QSOX1: variants seen among roughly 807,000 people sequenced by gnomAD.
QSOX1 encodes the protein quiescin sulfhydryl oxidase 1, also known as sulfhydryl oxidase 1.
A neutral mutation model predicts 76.1 loss-of-function variants in QSOX1; 40 were observed. The observed-to-expected ratio is 0.53, with a 90% CI of 0.41 to 0.68. The LOEUF is 0.68. QSOX1 is among the 30% of genes least tolerant of loss of function. The pLI, the probability that QSOX1 is intolerant of heterozygous loss-of-function variation, is 0.00. For synonymous variants in QSOX1, 392 were observed against 413.1 expected (o/e 0.95, Z 0.62); for missense variants, 931 against 974.3 (o/e 0.96, Z 0.59).
rs1188947516 is a variant in QSOX1, at chr1:180,197,103, T to G, written c.*66T>G. 6 of 1,503,802 alleles carry G rather than the reference T, an allele frequency of 4.0e-6. No homozygotes were observed. In the African/African-American group the frequency reaches 5.6e-5, roughly 14 times the overall value. The allele number at this position is 1,503,802 out of a possible 1,614,324, so 93.2% of individuals were successfully genotyped here. On this transcript the variant is annotated 3_prime_UTR_variant, in exon 12 of 12. Transcript: ENST00000367602. The stretch of plus-strand genomic sequence containing the variant: ...AGGCACCTCAAGCCCCCTGACCCCA[T>G]TCCCTCCCCTCCCACCCCTTGCTCC...
chr1:180,191,208 G>A (rs1663302857), intron 10 of QSOX1, among the ~76,000 whole-genome samples: 1 of 152,204 alleles, frequency 6.6e-6, no homozygotes, highest in Non-Finnish European at 1.5e-5. Context: ...TGGCTTGGAG[G>A]ATAGATACAT....
chr1:180,158,184 T>C (rs1415428433), intron 1 of QSOX1, among the ~76,000 whole-genome samples: 1 of 152,324 alleles, frequency 6.6e-6, no homozygotes, highest in African/African-American at 2.4e-5. Context: ...TCTTTTTGGC[T>C]TTCTGGAGCC....
At chr1:180,192,971 G>C (rs1451530823) in intron 10 of QSOX1, among the ~76,000 whole-genome samples, 1 of 152,042 alleles carries the variant, frequency 6.6e-6, no homozygotes, top group African/African-American at 2.4e-5. Flanking sequence ...CAAGATAGAG[G>C]TGTAGTCACT....
intron 2 of QSOX1, among the ~76,000 whole-genome samples, chr1:180,169,704 T>G (rs115276636): frequency 0.026 from 3,911 of 152,348 alleles, 156 homozygotes; most frequent in African/African-American, 0.088. Context: ...GCTGCTGGAC[T>G]GTGTGGCAGT....
At chr1:180,185,690 G>A (rs1663153587) in intron 7 of QSOX1, among the ~76,000 whole-genome samples, 1 of 152,316 alleles carries the variant, frequency 6.6e-6, no homozygotes, top group Middle Eastern at 3.4e-3. Context: ...TTGGCTCGGA[G>A]CTGGCCTGAT....
intron 2 of QSOX1, among the ~76,000 whole-genome samples, chr1:180,174,679 T>C (rs754474327): frequency 1.3e-5 from 2 of 152,066 alleles, no homozygotes; most frequent in African/African-American, 2.4e-5. Context: ...TCGATAAATA[T>C]TGGTTAGTAA....
chr1:180,188,788 T>C (rs569350586), intron 8 of QSOX1, among the ~76,000 whole-genome samples: 56 of 152,356 alleles, frequency 3.7e-4, no homozygotes, highest in Non-Finnish European at 7.1e-4. Flanking sequence ...TCGGCCAGCC[T>C]CTTTGTGGTT....
At chr1:180,159,344 G>A (rs1174960517) in intron 1 of QSOX1, among the ~76,000 whole-genome samples, 1 of 152,206 alleles carries the variant, frequency 6.6e-6, no homozygotes, top group African/African-American at 2.4e-5. Context: ...CTGTCACCCA[G>A]CTCTGCATTG....
In QSOX1 at chr1:180,198,387, G is replaced by T. The variant is rs1663558993; in HGVS notation, c.*1350G>T. The T allele has an allele frequency of 2.2e-6, 1 of 456,630 alleles. No individual in the cohort carries two copies. The highest frequency in any genetic ancestry group is 2.3e-5 in the Admixed American group (1 of 42,566). 28.3% of individuals were successfully genotyped at this position (456,630 alleles called of 1,614,324 possible). On this transcript the variant is annotated 3_prime_UTR_variant, in exon 12 of 12. Coordinates refer to ENST00000367602, the MANE Select transcript of QSOX1 (RefSeq NM_002826.5). ...AGAGCTGCAGGGTTGGCCACTCGGT[G>T]GGGAGGAGTCAGCCAGGATTAGAGA... is the stretch of plus-strand genomic sequence containing the variant.
At chr1:180,170,099 C>A (rs963554204) in intron 2 of QSOX1, among the ~76,000 whole-genome samples, 10 of 152,140 alleles carry the variant, frequency 6.6e-5, no homozygotes, top group South Asian at 2.1e-4. Context: ...TGAGGCAGAG[C>A]TGGGGGAGGA....
intron 3 of QSOX1, 95 bp downstream of exon 3, chr1:180,175,461 T>A: frequency 7.4e-7 from 1 of 1,359,278 alleles, no homozygotes; most frequent in Non-Finnish European, 1.1e-6. Context: ...GCCCTGGCAG[T>A]CGGCAGGGTC....
chr1:180,169,278 C>T (rs1220591735), intron 2 of QSOX1, among the ~76,000 whole-genome samples: 1 of 152,220 alleles, frequency 6.6e-6, no homozygotes, highest in Non-Finnish European at 1.5e-5. Flanking sequence ...CTCCGTGGGC[C>T]TCAGGAGTGC....
rs201050141 is a variant in QSOX1, at chr1:180,182,267, T to C, written c.700T>C (p.Phe234Leu). 2 of 1,614,222 alleles carry C rather than the reference T, an allele frequency of 1.2e-6. No homozygotes were observed. Among genetic ancestry groups the C allele is most frequent in the Non-Finnish European group, 8.5e-7 (1 of 1,180,034 alleles). Residue 234 changes from phenylalanine (F) to leucine (L), a missense_variant, in exon 6 of 12, where the codon TTC becomes CTC. Transcript: ENST00000367602. ...GGTGAGAAAGTTTGGTGTCACCGAC[T>C]TCCCCTCTTGCTACCTGCTGTTCCG... Reference protein sequence around the residue: ...NVVRKFGVTDFPSCYLLFRNG... With the variant: ...NVVRKFGVTDLPSCYLLFRNG...
intron 4 of QSOX1, 109 bp from the exon 5 acceptor site, chr1:180,178,685 G>A: frequency 5.3e-6 from 5 of 937,150 alleles, no homozygotes; most frequent in South Asian, 4.2e-5. Context: ...GCGGAGGAGG[G>A]CGGGATGGCC....
At chr1:180,182,144 T>G in intron 5 of QSOX1, 30 bp from the exon 6 acceptor site, 9 of 1,611,126 alleles carry the variant, frequency 5.6e-6, no homozygotes, top group Non-Finnish European at 7.6e-6. Context: ...CCCGGTGGCC[T>G]GGCCCCCAGA....
chr1:180,192,069 T>C (rs1009149344), intron 10 of QSOX1, among the ~76,000 whole-genome samples: 1 of 152,180 alleles, frequency 6.6e-6, no homozygotes, highest in African/African-American at 2.4e-5. Flanking sequence ...TTTACCTTCA[T>C]TACCTCTTTA....
In QSOX1 at chr1:180,196,671, A is replaced by C. The variant is rs781296707; in HGVS notation, c.1878A>C (p.Ala626=). The C allele has an allele frequency of 3.7e-6, 6 of 1,614,010 alleles. No homozygotes were observed. In the South Asian group the frequency reaches 6.6e-5, roughly 18 times the overall value. Residue 626 remains alanine (A), a synonymous_variant, in exon 12 of 12, where the codon GCA becomes GCC. Coordinates refer to ENST00000367602, the MANE Select transcript of QSOX1 (RefSeq NM_002826.5). This position sits in a 1 kb window ranked among gnomAD's most constrained non-coding sequence, Gnocchi z 4.1. ...GCCAGGAGCCTCCTGAGCACATGGC[A>C]GAGCTTCAGAGGAATGAGCAGGAGC... is the stretch of plus-strand genomic sequence containing the variant. ...APGQEPPEHM[A]ELQRNEQEQP...
intron 6 of QSOX1, among the ~76,000 whole-genome samples, chr1:180,183,216 C>G (rs1663082858): frequency 1.3e-5 from 2 of 151,946 alleles, no homozygotes; most frequent in African/African-American, 2.4e-5. Context: ...TGGAATGAAG[C>G]CGTGCGTCCC....
intron 7 of QSOX1, among the ~76,000 whole-genome samples, chr1:180,185,230 T>G (rs189984674): frequency 1.1e-3 from 158 of 149,926 alleles, no homozygotes; most frequent in African/African-American, 4.0e-3. Flanking sequence ...CATGGAGGGG[T>G]CAGGAGCAAG....
Sources: gnomAD v4.1 joint callset for allele counts (sites outside exome capture counted in the v4.1 genomes callset) on GRCh38, gnomAD v4.1.1 for gene constraint, Gnocchi (gnomAD v3.1) non-coding constraint, MANE v1.5 for transcripts, NCBI Gene and HGNC (gene_info 2026-07-23, HGNC 2026-07-21) for gene names.